The following NLRP14 variants were observed in gnomAD, a reference collection of about 807,000 sequenced individuals.
NLRP14 encodes the protein NACHT, LRR and PYD domains-containing protein 14.
Under a neutral mutation model 94.7 loss-of-function variants are expected in NLRP14, and 105 were observed. The ratio of observed to expected loss-of-function variants is 1.11; its 90% confidence interval spans 0.95 to 1.30. NLRP14 has a LOEUF of 1.30. NLRP14 is among the 50% of genes most tolerant of loss of function. The pLI, the probability that NLRP14 is intolerant of heterozygous loss-of-function variation, is 0.00. For synonymous variants in NLRP14, 508 were observed against 459.9 expected (o/e 1.10, Z -1.34); for missense variants, 1,362 against 1,254.1 (o/e 1.09, Z -1.30).
At chr11:7,027,596 T>A (rs1043313341) in intron 1 of NLRP14, among the ~76,000 whole-genome samples, 3 of 152,166 alleles carry the variant, frequency 2.0e-5, no homozygotes, top group Non-Finnish European at 4.4e-5. Context: ...GCAGGCCTAC[T>A]TCCCTCTCAG....
chr11:7,057,468 A>C (rs1364415532), intron 6 of NLRP14, among the ~76,000 whole-genome samples: 2 of 152,060 alleles, frequency 1.3e-5, no homozygotes, highest in African/African-American at 4.8e-5. Flanking sequence ...AGGGGATGGG[A>C]ATGTGATAAA....
rs776733090 is a variant in NLRP14, at chr11:7,043,201, C to T, written c.1175C>T (p.Thr392Ile). Reference sequence around the variant, plus strand: ...GAGAAGGGTGGTGATGTCACATTGACCTGCCAAACAACCACAGCTCTGTTT... The same window carrying T: ...GAGAAGGGTGGTGATGTCACATTGATCTGCCAAACAACCACAGCTCTGTTT... ...QMEKGGDVTLTCQTTTALFTC... is the reference protein window; with the variant it reads ...QMEKGGDVTLICQTTTALFTC... The change falls in exon 4 of 12, where the codon ACC becomes ATC. Residue 392 changes from threonine to isoleucine, a missense_variant. Thr to Ile is a moderately conservative substitution (Grantham distance 89). Transcript: ENST00000299481. The T allele has an allele frequency of 3.2e-5, 52 of 1,614,006 alleles. No homozygotes were observed. The highest frequency in any genetic ancestry group is 3.3e-4 in the Middle Eastern group (2 of 6,082).
chr11:7,056,654 G>A (rs2119672514), intron 6 of NLRP14, among the ~76,000 whole-genome samples: 1 of 151,828 alleles, frequency 6.6e-6, no homozygotes, highest in Middle Eastern at 3.4e-3. Flanking sequence ...TCCTTCATAA[G>A]TGGGATATAT....
At chr11:7,025,841 A>G (rs1011104958) in intron 1 of NLRP14, among the ~76,000 whole-genome samples, 1 of 152,220 alleles carries the variant, frequency 6.6e-6, no homozygotes, top group Non-Finnish European at 1.5e-5. Context: ...TGAGTACTTG[A>G]TTAAAAAAAT....
chr11:7,026,276 C>T (rs12419016), intron 1 of NLRP14, among the ~76,000 whole-genome samples: 5,298 of 152,110 alleles, frequency 0.035, 139 homozygotes, highest in East Asian at 0.12. Flanking sequence ...GGCTAATATC[C>T]GGAATCTACA....
chr11:7,032,711 C>CT (rs143059656), intron 1 of NLRP14, among the ~76,000 whole-genome samples: 1 of 151,908 alleles, frequency 6.6e-6, no homozygotes, highest in East Asian at 1.9e-4. Flanking sequence ...TTGCTTTTTG[C>CT]TTTTTTTCCC....
rs757663464 is a variant in NLRP14, at chr11:7,043,354, A to G, written c.1328A>G (p.Tyr443Cys). Reference sequence around the variant, plus strand: ...ATATGGACTATGACTTACGTGTTTTACAGAGAAAATCTCAGAAGGCTTGGG... The same window carrying G: ...ATATGGACTATGACTTACGTGTTTTGCAGAGAAAATCTCAGAAGGCTTGGG... ...KGIWTMTYVF[Y>C]RENLRRLGLT... The change falls in exon 4 of 12, where the codon TAC becomes TGC. Residue 443 changes from tyrosine to cysteine, a missense_variant. Coordinates refer to ENST00000299481, the MANE Select transcript of NLRP14 (RefSeq NM_176822.4). The G allele has an allele frequency of 1.2e-6, 2 of 1,614,198 alleles. No homozygotes were observed. The highest frequency in any genetic ancestry group is 1.1e-5 in the South Asian group (1 of 91,078).
chr11:7,049,698 T>G lies in NLRP14; in HGVS notation c.2151T>G (p.Gly717=). ...TGAAATTTATCACTTTCCCTGATGG[T>G]TGTCAGGATATCTCTACTTCTTTGA... ...LLLKFITFPD[G]CQDISTSLIH... is the part of the protein sequence containing the mutation. The change falls in exon 6 of 12, where the codon GGT becomes GGG. Residue 717 remains glycine (G), a synonymous_variant. Transcript: ENST00000299481. The G allele has an allele frequency of 6.2e-7, 1 of 1,612,928 alleles. No individual in the cohort carries two copies. The highest frequency in any genetic ancestry group is 8.5e-7 in the Non-Finnish European group (1 of 1,178,924).
At chr11:7,086,374 C>T in the NLRP14 span, among the ~76,000 whole-genome samples, 1 of 152,106 alleles carries the variant, frequency 6.6e-6, no homozygotes, top group African/African-American at 2.4e-5. Context: ...GCTGGAAGGC[C>T]CTCCAGGCTT....
intron 6 of NLRP14, among the ~76,000 whole-genome samples, chr11:7,053,925 A>G (rs1171165775): frequency 6.6e-6 from 1 of 152,096 alleles, no homozygotes; most frequent in Admixed American, 6.6e-5. Context: ...GTACCCATTA[A>G]CCATTCCCCT....
chr11:7,054,377 C>G (rs1327471663), intron 6 of NLRP14, among the ~76,000 whole-genome samples: 1 of 152,040 alleles, frequency 6.6e-6, no homozygotes, highest in African/African-American at 2.4e-5. Flanking sequence ...TTTTGAGGAA[C>G]CTCCAAACTG....
At chr11:7,040,037 G>A (rs1009939230) in intron 3 of NLRP14, among the ~76,000 whole-genome samples, 1 of 152,154 alleles carries the variant, frequency 6.6e-6, no homozygotes, top group African/African-American at 2.4e-5. Flanking sequence ...ACGCACAAAG[G>A]TATATTAATG....
At chr11:7,033,302 T>C (rs896630234) in intron 1 of NLRP14, among the ~76,000 whole-genome samples, 3 of 152,242 alleles carry the variant, frequency 2.0e-5, no homozygotes, top group East Asian at 1.9e-4. Flanking sequence ...AGTGTATGTA[T>C]ATTTCCAGTT....
intron 1 of NLRP14, among the ~76,000 whole-genome samples, chr11:7,036,003 T>C (rs1852155416): frequency 6.6e-6 from 1 of 152,216 alleles, no homozygotes; most frequent in African/African-American, 2.4e-5. Flanking sequence ...AGACTCCGTA[T>C]CTATAAATGT....
intron 1 of NLRP14, among the ~76,000 whole-genome samples, chr11:7,027,398 T>C (rs1852031522): frequency 6.6e-6 from 1 of 152,070 alleles, no homozygotes; most frequent in Admixed American, 6.6e-5. Context: ...GCTGTCTTCT[T>C]GTAGAGTCCT....
downstream of NLRP14, among the ~76,000 whole-genome samples, chr11:7,073,705 C>A (rs904205937): frequency 1.4e-4 from 22 of 152,252 alleles, no homozygotes; most frequent in African/African-American, 5.3e-4. Context: ...TATGTTTACC[C>A]ATTTATTATA....
rs924156602 is a variant in NLRP14, at chr11:7,071,302, T to A, written c.3276T>A (p.Cys1092Ter). The change falls in exon 12 of 12, where the codon TGT becomes TGA. Residue 1092 changes from cysteine to a stop codon, truncating the protein, a stop_gained. Transcript: ENST00000299481. LOFTEE classifies it high-confidence loss of function. ...AAGAAGATGTGTCTTGGTGGTGGTG[T>A]TTCTGATTTGAAGAAACTGACATTC... ...HNEEDVSWWWCF is the reference protein window; with the variant it reads ...HNEEDVSWWW The A allele has an allele frequency of 1.2e-6, 2 of 1,612,676 alleles. No individual in the cohort carries two copies. Among genetic ancestry groups the A allele is most frequent in the South Asian group, 1.1e-5 (1 of 90,988 alleles).
intron 10 of NLRP14, among the ~76,000 whole-genome samples, chr11:7,064,510 T>G (rs1445941454): frequency 6.7e-6 from 1 of 150,198 alleles, no homozygotes; most frequent in African/African-American, 2.5e-5. Flanking sequence ...AGTGTTCCAT[T>G]CCAAATATTG....
chr11:7,090,348 AAAG>A, the NLRP14 span: 25 of 1,535,540 alleles, frequency 1.6e-5, no homozygotes, highest in Middle Eastern at 2.1e-4. Context: ...AAACTAACAA[AAAG>A]AAGAACCTGT....
Sources: allele counts gnomAD v4.1 joint callset (sites outside exome capture counted in the v4.1 genomes callset), GRCh38; gene constraint gnomAD v4.1.1; transcripts MANE v1.5; gene names NCBI Gene and HGNC (gene_info 2026-07-23, HGNC 2026-07-21).